The following ZNF276 variants were observed in gnomAD, a reference collection of about 807,000 sequenced individuals.
The protein encoded by ZNF276 is zinc finger protein 276, also known as centromere protein Z.
A neutral mutation model predicts 63.9 loss-of-function variants in ZNF276; 59 were observed. The ratio of observed to expected loss-of-function variants is 0.92; its 90% CI spans 0.75 to 1.15. The LOEUF (loss-of-function observed/expected upper bound fraction) is 1.15, where lower values mean the gene tolerates loss of function less well. ZNF276 is among the 50% of genes most tolerant of loss of function. ZNF276 has a pLI of 0.00. For synonymous variants in ZNF276, 496 were observed against 348.4 expected (o/e 1.42, Z -4.72); for missense variants, 1,084 against 843.8 (o/e 1.28, Z -3.53).
upstream of ZNF276, chr16:89,721,526 G>A: frequency 2.2e-6 from 2 of 903,660 alleles, no homozygotes; most frequent in Non-Finnish European, 3.0e-6. Flanking sequence ...TTCTCGCTCC[G>A]CCCCTCCCCC....
At chr16:89,734,131 G>C in intron 9 of ZNF276, 93 bp downstream of exon 9, 2 of 1,238,156 alleles carry the variant, frequency 1.6e-6, no homozygotes, top group Non-Finnish European at 2.3e-6. Flanking sequence ...CGCCCCAAGA[G>C]TTGGGGGTGC....
intron 9 of ZNF276, among the ~76,000 whole-genome samples, chr16:89,736,095 G>A (rs1339478062): frequency 2.0e-5 from 3 of 152,058 alleles, no homozygotes; most frequent in Admixed American, 6.6e-5. Context: ...GTTTCACCAC[G>A]TTAGTGAGGC....
chr16:89,737,885 T>C lies in ZNF276; in HGVS notation c.1554T>C (p.His518=), dbSNP rs1049339038. The C allele has an allele frequency of 1.2e-6, 2 of 1,613,270 alleles. No homozygotes were observed. The highest frequency in any genetic ancestry group is 2.2e-5 in the South Asian group (2 of 91,030). ...RKHLLVHQMR[H]SGAKPLQCEV... ...ACCTTCTCGTCCACCAAATGCGACA[T>C]TCGGGAGCCAAGCCTTTGCAGTAAG... is the stretch of plus-strand genomic sequence containing the variant. The change falls in exon 10 of 11, where the codon CAT becomes CAC. Residue 518 remains histidine, a synonymous_variant. Coordinates refer to ENST00000443381, the MANE Select transcript of ZNF276 (RefSeq NM_001113525.2).
upstream of ZNF276, chr16:89,720,432 A>T: frequency 9.6e-7 from 1 of 1,041,772 alleles, no homozygotes; most frequent in Non-Finnish European, 1.2e-6. Flanking sequence ...AAAATGCACG[A>T]ACGCACGGAC....
At chr16:89,729,918 G>A (rs1256096835) in intron 6 of ZNF276, among the ~76,000 whole-genome samples, 6 of 152,152 alleles carry the variant, frequency 3.9e-5, no homozygotes, top group Non-Finnish European at 7.3e-5. Flanking sequence ...CACTTGTGCT[G>A]TTTTCTTTGC....
chr16:89,734,617 C>T (rs1367838975), intron 9 of ZNF276, among the ~76,000 whole-genome samples: 1 of 151,074 alleles, frequency 6.6e-6, no homozygotes, highest in Non-Finnish European at 1.5e-5. Flanking sequence ...TGCACCTGGC[C>T]CAAACAAGTG....
chr16:89,721,759 C>G lies in ZNF276; in HGVS notation c.119C>G (p.Pro40Arg), dbSNP rs1004109405. 3.4e-5 allele frequency: 44 copies of G among 1,282,802 alleles called. No homozygotes were observed. The Admixed American group carries it at 1.2e-3, about 36-fold the overall frequency. The allele number at this position is 1,282,802 out of a possible 1,614,324, so 79.5% of individuals were successfully genotyped here. A position where few individuals can be genotyped will look rare whatever the true frequency, so the allele number is the denominator to read the frequency against. ...GGCCGCCCTTCCCTTAGCGGTGGGC[C>G]GAGGGTGGACGGGGCGACGGCGCGG... ...TRGRPSLSGG[P>R]RVDGATARRA... Residue 40 changes from proline (P) to arginine (R), a missense_variant, in exon 1 of 11, where the codon CCG (proline) becomes CGG (arginine). By Grantham distance (103) the Pro-to-Arg change is moderately radical. Coordinates refer to ENST00000443381, the MANE Select transcript of ZNF276 (RefSeq NM_001113525.2).
Position 89,738,422 on chromosome 16 carries a change from A to G in ZNF276, c.*176A>G. 5 of 1,373,284 alleles carry G rather than the reference A, an allele frequency of 3.6e-6. No individual in the cohort carries two copies. The highest frequency in any genetic ancestry group is 2.5e-4 in the Middle Eastern group (1 of 3,938). The allele number at this position is 1,373,284 out of a possible 1,614,324, so 85.1% of individuals were successfully genotyped here. ...TCCTCTGCTCTGGGACCAGTGGTTT[A>G]TTTTCCCGCAAACGCTGAGTGACTC... is the stretch of plus-strand genomic sequence containing the variant. On this transcript the variant is annotated 3_prime_UTR_variant, in exon 11 of 11. Coordinates refer to ENST00000443381, the MANE Select transcript of ZNF276 (RefSeq NM_001113525.2).
chr16:89,722,264 G>T, intron 1 of ZNF276, among the ~76,000 whole-genome samples: 1 of 152,228 alleles, frequency 6.6e-6, no homozygotes, highest in South Asian at 2.1e-4. Context: ...TCGCTGGGAG[G>T]AGGGTGCAGT....
chr16:89,721,927 C>T (rs1394429489), intron 1 of ZNF276, 82 bp downstream of exon 1: 1 of 996,380 alleles, frequency 1.0e-6, no homozygotes, highest in Non-Finnish European at 1.3e-6. Context: ...GCCCGGAAGC[C>T]GGCGCGGCCT....
rs1219180635 is a variant in ZNF276, at chr16:89,739,925, T to TA, written c.*1681dup. 1.2e-6 allele frequency: 2 copies of TA among 1,604,570 alleles called. No homozygotes were observed. ...AGGAACCTCAAGGAGGGCTCGTTCT[T>TA]AACCATTTGCAAGATGCCTCTGAAA... On this transcript the variant is annotated 3_prime_UTR_variant, in exon 11 of 11. Transcript: ENST00000443381.
Position 89,721,834 on chromosome 16 carries a change from C to T in ZNF276, c.194C>T (p.Ala65Val). 8.2e-7 allele frequency: 1 copy of T among 1,218,776 alleles called. No individual in the cohort carries two copies. The highest frequency in any genetic ancestry group is 1.6e-5 in the African/African-American group (1 of 63,624). The allele number at this position is 1,218,776 out of a possible 1,614,324, so 75.5% of individuals were successfully genotyped here. Reference sequence around the variant, plus strand: ...TGCGGGGACGCGGGCGAGGACGGCGCGGACGAGGCAGGTGGGTCCGCGGCC... The same window carrying T: ...TGCGGGGACGCGGGCGAGGACGGCGTGGACGAGGCAGGTGGGTCCGCGGCC... ...GSCGDAGEDG[A>V]DEAGAGRALA... The change falls in exon 1 of 11, where the codon GCG becomes GTG. Residue 65 changes from alanine (A) to valine (V), a missense_variant. Physicochemically the swap from Ala to Val is moderately conservative, Grantham distance 64. Coordinates refer to ENST00000443381, the MANE Select transcript of ZNF276 (RefSeq NM_001113525.2).
At chr16:89,720,457 G>C, upstream of ZNF276, 1 of 1,078,638 alleles carries the variant, frequency 9.3e-7, no homozygotes. Context: ...CCGTCACTCG[G>C]ATTTTGGAAG....
intron 6 of ZNF276, chr16:89,731,538 C>G (rs4785711): frequency 0.4 from 60,423 of 151,856 alleles, 13,298 homozygotes; most frequent in East Asian, 0.75. Flanking sequence ...CAGGCGTGAG[C>G]CACCGCGCCG....
intron 9 of ZNF276, among the ~76,000 whole-genome samples, chr16:89,736,899 A>G (rs1036283114): frequency 1.3e-5 from 2 of 151,854 alleles, no homozygotes; most frequent in African/African-American, 4.8e-5. Flanking sequence ...AGCAAGACTC[A>G]AGTCTCAAAA....
At chr16:89,737,077 C>T (rs973485965) in intron 9 of ZNF276, among the ~76,000 whole-genome samples, 1 of 152,114 alleles carries the variant, frequency 6.6e-6, no homozygotes, top group African/African-American at 2.4e-5. Flanking sequence ...TCTCTTTGTT[C>T]AAGGGTGTGA....
intron 6 of ZNF276, chr16:89,731,775 T>C (rs11639906): frequency 0.06 from 9,152 of 152,338 alleles, 429 homozygotes; most frequent in East Asian, 0.22. Flanking sequence ...ATTGATAATA[T>C]ATAGAAACAT....
At chr16:89,730,235 G>A (rs1290919680) in intron 6 of ZNF276, among the ~76,000 whole-genome samples, 3 of 152,184 alleles carry the variant, frequency 2.0e-5, no homozygotes, top group Non-Finnish European at 4.4e-5. Context: ...CAGAAAACTG[G>A]TCAGGCCCAG....
upstream of ZNF276, chr16:89,720,763 C>T (rs1196596747): frequency 3.4e-6 from 5 of 1,449,938 alleles, no homozygotes; most frequent in Non-Finnish European, 4.6e-6. Flanking sequence ...CCCGCCTCAC[C>T]CGGGGCCGGT....
Sources: allele counts gnomAD v4.1 joint callset (sites outside exome capture counted in the v4.1 genomes callset), GRCh38; gene constraint gnomAD v4.1.1; transcripts MANE v1.5; gene names NCBI Gene and HGNC (gene_info 2026-07-23, HGNC 2026-07-21).